Variants in YAP1 observed in about 807,000 individuals in gnomAD.
YAP1 encodes the protein Yes1 associated transcriptional regulator.
In YAP1, 5 loss-of-function variants were observed where a neutral mutation model predicts 56.9. That is an observed-to-expected ratio of 0.09 (90% CI 0.05 to 0.18). The LOEUF is 0.18. Ranked by LOEUF, YAP1 falls within the 10% of genes least tolerant of loss-of-function variation. The pLI is 1.00. For missense variants in YAP1, 539 were observed against 651.8 expected, an observed-to-expected ratio of 0.83 and a Z score of 1.88; for synonymous variants, 265 against 248.1, an observed-to-expected ratio of 1.07 and a Z score of -0.64.
At chr11:102,181,499 C>A (rs750472234) in intron 3 of YAP1, among the ~76,000 whole-genome samples, 2 of 152,050 alleles carry the variant, frequency 1.3e-5, no homozygotes, top group African/African-American at 4.8e-5. Flanking sequence ...TGGGTCACAT[C>A]CATTCTTTTT....
rs1230183905 is a variant in YAP1 at position 102,231,016 on chromosome 11, G to A, written c.*1076G>A. Reference sequence around the variant, plus strand: ...ACTAGTAGTTTATATTTCACTGGTAGTTTAAATCTGGTTGGGGCAGTCTGC... The same window carrying A: ...ACTAGTAGTTTATATTTCACTGGTAATTTAAATCTGGTTGGGGCAGTCTGC... On this transcript the variant is annotated 3_prime_UTR_variant, in exon 9 of 9. Coordinates refer to ENST00000282441, the MANE Select transcript of YAP1 (RefSeq NM_001130145.3). 6.6e-6 allele frequency: 1 copy of A among 152,180 alleles called. No individual in the cohort carries two copies. Among genetic ancestry groups the A allele is most frequent in the African/African-American group, 2.4e-5 (1 of 41,440 alleles). 9.4% of individuals were successfully genotyped at this position (152,180 alleles called of 1,614,324 possible).
chr11:102,149,162 TC>T (rs1945488299), intron 2 of YAP1, among the ~76,000 whole-genome samples: 1 of 152,184 alleles, frequency 6.6e-6, no homozygotes, highest in African/African-American at 2.4e-5. Flanking sequence ...TTGAAATTGT[TC>T]CTAAAGGCAA....
intron 5 of YAP1, 35 bp downstream of exon 5, chr11:102,206,109 T>C (rs1226774343): frequency 6.3e-7 from 1 of 1,582,148 alleles, no homozygotes. Context: ...CCTTCCACTT[T>C]TGGGGGTTTG....
At chr11:102,147,983 G>A (rs1945418404) in intron 2 of YAP1, among the ~76,000 whole-genome samples, 1 of 152,190 alleles carries the variant, frequency 6.6e-6, no homozygotes, top group South Asian at 2.1e-4. Context: ...GGAGTATATT[G>A]TGGAAGTTAA....
intron 2 of YAP1, among the ~76,000 whole-genome samples, chr11:102,141,656 ACTTTG>A (rs553903493): frequency 5.9e-5 from 9 of 152,098 alleles, no homozygotes; most frequent in Non-Finnish European, 1.2e-4. Context: ...CCTTTTGTTG[ACTTTG>A]CTTTATCTGT....
At chr11:102,186,254 C>T (rs1947939487) in intron 4 of YAP1, 123 bp downstream of exon 4, 4 of 1,060,298 alleles carry the variant, frequency 3.8e-6, no homozygotes, top group Non-Finnish European at 5.4e-6. Flanking sequence ...ATGACCCTGC[C>T]CACCCAATGT....
rs891688331 is a variant in YAP1, at chr11:102,229,129, C to T, written c.1277-573C>T. ...TTAATGTTGTCATATGCAAAAAAGG[C>T]TCTGTGGCCAAGTAAGTTTGGGAAA... On this transcript the variant is annotated intron_variant, in intron 8 of 8. Coordinates refer to ENST00000282441, the MANE Select transcript of YAP1 (RefSeq NM_001130145.3). Among the ~76,000 whole-genome samples, 3 of 152,202 alleles carry T rather than the reference C, an allele frequency of 2.0e-5. No homozygotes were observed. In the East Asian group the frequency reaches 5.8e-4, roughly 29 times the overall value.
Position 102,180,473 on chromosome 11 carries a change from G to T in YAP1, c.689-5545G>T, listed in dbSNP as rs1183160760. ...CGAGGCAGGTGGATCACAAGGTCAG[G>T]AGATCGAGACCATCCTGGCTAACAC... is the stretch of plus-strand genomic sequence containing the variant. On this transcript the variant is annotated intron_variant, in intron 3 of 8. Coordinates refer to ENST00000282441, the MANE Select transcript of YAP1 (RefSeq NM_001130145.3). 2.0e-5 allele frequency among the ~76,000 whole-genome samples: 3 copies of T among 151,030 alleles called. No homozygotes were observed. In the East Asian group the frequency reaches 6.0e-4, roughly 30 times the overall value.
intron 6 of YAP1, among the ~76,000 whole-genome samples, chr11:102,210,841 C>T (rs748354524): frequency 6.6e-6 from 1 of 151,624 alleles, no homozygotes; most frequent in Non-Finnish European, 1.5e-5. Context: ...CAAGCTCCGC[C>T]TTCCGGGTTC....
chr11:102,166,602 T>C (rs555572084), intron 3 of YAP1, among the ~76,000 whole-genome samples: 3 of 152,328 alleles, frequency 2.0e-5, no homozygotes, highest in East Asian at 3.9e-4. Flanking sequence ...TGAAGCAGGG[T>C]ATCTACAGAA....
intron 8 of YAP1, among the ~76,000 whole-genome samples, chr11:102,229,115 A>C (rs1275444326): frequency 6.6e-6 from 1 of 152,184 alleles, no homozygotes; most frequent in Non-Finnish European, 1.5e-5. Flanking sequence ...TAATGTTGTC[A>C]TATGCAAAAA....
intron 3 of YAP1, among the ~76,000 whole-genome samples, chr11:102,164,199 T>C (rs1946463265): frequency 6.6e-6 from 1 of 152,108 alleles, no homozygotes; most frequent in Non-Finnish European, 1.5e-5. Context: ...CACACCCAGC[T>C]AATTTTTGTA....
At chr11:102,169,915 A>T (rs138286361) in intron 3 of YAP1, among the ~76,000 whole-genome samples, 1 of 152,242 alleles carries the variant, frequency 6.6e-6, no homozygotes, top group South Asian at 2.1e-4. Flanking sequence ...AAATATGCCA[A>T]TATGGAATAT....
intron 4 of YAP1, chr11:102,186,554 A>G (rs145773415): frequency 2.6e-5 from 5 of 192,234 alleles, no homozygotes; most frequent in African/African-American, 7.2e-5. Context: ...GATGAGTACC[A>G]TCTTATGCCT....
intron 5 of YAP1, among the ~76,000 whole-genome samples, chr11:102,208,912 T>C (rs1949255729): frequency 1.3e-5 from 2 of 152,198 alleles, no homozygotes; most frequent in African/African-American, 4.8e-5. Flanking sequence ...ATGCTGCTAT[T>C]TGTAAAACTC....
At chr11:102,202,533 A>G (rs1387336121) in intron 4 of YAP1, among the ~76,000 whole-genome samples, 1 of 151,414 alleles carries the variant, frequency 6.6e-6, no homozygotes, top group Non-Finnish European at 1.5e-5. Flanking sequence ...TCTGGGACCA[A>G]CTCATCATCC....
intron 2 of YAP1, among the ~76,000 whole-genome samples, chr11:102,136,650 G>A (rs1268221902): frequency 6.6e-6 from 1 of 152,088 alleles, no homozygotes; most frequent in Non-Finnish European, 1.5e-5. Flanking sequence ...ACTGCACCGG[G>A]CTCATTTTTC....
chr11:102,226,329 G>A (rs1002511448), intron 7 of YAP1, among the ~76,000 whole-genome samples: 1 of 152,202 alleles, frequency 6.6e-6, no homozygotes, highest in Non-Finnish European at 1.5e-5. Flanking sequence ...TAGAATGAGG[G>A]GAGAGAGAGA....
At chr11:102,128,851 G>T (rs1331206298) in intron 2 of YAP1, among the ~76,000 whole-genome samples, 1 of 152,098 alleles carries the variant, frequency 6.6e-6, no homozygotes. Flanking sequence ...TAGTTAATAT[G>T]AACAGCTTTA....
Sources: gnomAD v4.1 joint callset for allele counts (sites outside exome capture counted in the v4.1 genomes callset) on GRCh38, gnomAD v4.1.1 for gene constraint, MANE v1.5 for transcripts, NCBI Gene and HGNC (gene_info 2026-07-23, HGNC 2026-07-21) for gene names.